The following CLTCL1 variants were observed in gnomAD, a reference collection of about 807,000 sequenced individuals.
The protein encoded by CLTCL1 is clathrin heavy chain like 1, also known as clathrin heavy chain 2.
Under a neutral mutation model 190.0 loss-of-function variants are expected in CLTCL1, and 159 were observed. That is an observed-to-expected ratio of 0.84 (90% CI 0.74 to 0.95). CLTCL1 has a LOEUF of 0.95. CLTCL1 is among the 40% of genes least tolerant of loss of function. The probability of loss-of-function intolerance (pLI) is 0.00; values close to 1 mark genes in which losing one functional copy is unlikely to be tolerated. For synonymous variants in CLTCL1, 752 were observed against 769.6 expected (o/e 0.98, Z 0.38); for missense variants, 1,878 against 2,033.4 (o/e 0.92, Z 1.47).
intron 3 of CLTCL1, among the ~76,000 whole-genome samples, chr22:19,249,292 G>C (rs2086515978): frequency 6.6e-6 from 1 of 152,124 alleles, no homozygotes. Flanking sequence ...CCGGGAGGTG[G>C]AGGTTGCAGT....
intron 1 of CLTCL1, among the ~76,000 whole-genome samples, chr22:19,288,729 T>C (rs2087999391): frequency 6.6e-6 from 1 of 152,188 alleles, no homozygotes; most frequent in Non-Finnish European, 1.5e-5. Flanking sequence ...ACATCAAGCT[T>C]ATGGGAATAC....
At chr22:19,194,562 C>T (rs1180498443) in intron 26 of CLTCL1, among the ~76,000 whole-genome samples, 1 of 152,222 alleles carries the variant, frequency 6.6e-6, no homozygotes, top group Admixed American at 6.5e-5. Context: ...AGCTGGTTGG[C>T]GTGCTGTGCT....
chr22:19,192,080 T>TG (rs2084526719), intron 26 of CLTCL1, among the ~76,000 whole-genome samples: 2 of 150,728 alleles, frequency 1.3e-5, no homozygotes, highest in South Asian at 4.3e-4. Flanking sequence ...TTTTTTTTTT[T>TG]TTTGAGACGG....
intron 2 of CLTCL1, among the ~76,000 whole-genome samples, chr22:19,271,547 T>C (rs1335053162): frequency 6.6e-6 from 1 of 152,170 alleles, no homozygotes; most frequent in Non-Finnish European, 1.5e-5. Context: ...TCTGCCATGA[T>C]TATAAGTTTC....
At chr22:19,268,833 G>C (rs1463155893) in intron 2 of CLTCL1, among the ~76,000 whole-genome samples, 3 of 152,198 alleles carry the variant, frequency 2.0e-5, no homozygotes, top group African/African-American at 7.2e-5. Context: ...AGTGGCTCAT[G>C]CCTGTAATTC....
chr22:19,251,334 T>C (rs1555969932), intron 3 of CLTCL1, among the ~76,000 whole-genome samples: 2 of 152,240 alleles, frequency 1.3e-5, no homozygotes, highest in Non-Finnish European at 2.9e-5. Flanking sequence ...TTCTGTAACC[T>C]TGTTCAATTT....
intron 1 of CLTCL1, among the ~76,000 whole-genome samples, chr22:19,278,443 A>G (rs986006383): frequency 6.6e-6 from 1 of 152,176 alleles, no homozygotes; most frequent in East Asian, 1.9e-4. Context: ...CAAGGCTTAG[A>G]AGGCAGGCAG....
chr22:19,222,083 C>G lies in CLTCL1; in HGVS notation c.2429G>C (p.Ser810Thr). The G allele has an allele frequency of 1.2e-6, 2 of 1,613,906 alleles. No individual in the cohort carries two copies. The highest frequency in any genetic ancestry group is 2.7e-5 in the African/African-American group (2 of 75,044). ...CCCTCCAATCACAGCTGGGGTCCGG[C>G]TAGGGTTGACCTAGGGTAGTCAAGG... is the stretch of plus-strand genomic sequence containing the variant. ...IEIYVQKVNPSRTPAVIGGLL... is the reference protein window; with the variant it reads ...IEIYVQKVNPTRTPAVIGGLL... The change falls in exon 16 of 33, where the codon AGC becomes ACC. Residue 810 changes from serine (S) to threonine (T), a missense_variant. By Grantham distance (58) the Ser-to-Thr change is moderately conservative. Transcript: ENST00000427926.
rs2085769277 is a variant in CLTCL1 at position 19,227,075 on chromosome 22, AATGTG to A, written c.1783-697_1783-693del. On this transcript the variant is annotated intron_variant, in intron 11 of 32. Transcript: ENST00000427926. ...CTTATAGGGTTTCTATGGCAAGATC[AATGTG>A]AGGGCTCAAGTCTACCGATTCTCCT... Among the ~76,000 whole-genome samples, 4 of 152,136 alleles carry A rather than the reference AATGTG, an allele frequency of 2.6e-5. No individual in the cohort carries two copies. In the Middle Eastern group the frequency reaches 0.014, roughly 517 times the overall value.
chr22:19,274,462 T>C (rs1368563255), intron 2 of CLTCL1, among the ~76,000 whole-genome samples: 1 of 152,228 alleles, frequency 6.6e-6, no homozygotes, highest in Non-Finnish European at 1.5e-5. Flanking sequence ...CAAAATCATT[T>C]ATACTGCTTA....
intron 1 of CLTCL1, among the ~76,000 whole-genome samples, chr22:19,276,951 C>G (rs536585574): frequency 2.4e-4 from 37 of 152,244 alleles, no homozygotes; most frequent in African/African-American, 8.2e-4. Flanking sequence ...GGATTACAGG[C>G]GTGAGCCACC....
intron 19 of CLTCL1, among the ~76,000 whole-genome samples, chr22:19,211,206 C>G (rs1388539531): frequency 1.3e-5 from 2 of 152,104 alleles, no homozygotes; most frequent in Non-Finnish European, 2.9e-5. Flanking sequence ...CTGACAAAAT[C>G]TAACACCTAT....
intron 2 of CLTCL1, among the ~76,000 whole-genome samples, chr22:19,264,594 T>C (rs1692785632): frequency 6.6e-6 from 1 of 152,324 alleles, no homozygotes; most frequent in South Asian, 2.1e-4. Flanking sequence ...ATCCAGTTAG[T>C]TAGCCAAGCT....
rs782471611 is a variant in CLTCL1 at position 19,183,470 on chromosome 22, GCAC to G, written c.4744_4746del (p.Val1582del). The G allele has an allele frequency of 6.2e-7, 1 of 1,613,670 alleles. No individual in the cohort carries two copies. Among genetic ancestry groups the G allele is most frequent in the African/African-American group, 1.3e-5 (1 of 74,946 alleles). On this transcript the variant is annotated inframe_deletion, in exon 30 of 33. Coordinates refer to ENST00000427926, the MANE Select transcript of CLTCL1 (RefSeq NM_007098.4). Reference sequence around the variant, plus strand: ...AGGTTGTGCCTCCAGGCCAGCTCAAGCACCATGTCTGGGCGAAGCAGGTCATAG... The same window carrying G: ...AGGTTGTGCCTCCAGGCCAGCTCAAGCATGTCTGGGCGAAGCAGGTCATAG...
intron 2 of CLTCL1, among the ~76,000 whole-genome samples, chr22:19,273,050 C>T (rs191579847): frequency 6.6e-6 from 1 of 152,182 alleles, no homozygotes; most frequent in Non-Finnish European, 1.5e-5. Flanking sequence ...TGCAGCACCC[C>T]CCCACACACC....
intron 22 of CLTCL1, among the ~76,000 whole-genome samples, chr22:19,203,711 G>T (rs1282962833): frequency 6.6e-6 from 1 of 152,168 alleles, no homozygotes. Flanking sequence ...GGTGCTGCCT[G>T]TCCCTGGAGG....
chr22:19,193,121 A>G (rs913737555), intron 26 of CLTCL1, among the ~76,000 whole-genome samples: 1 of 136,712 alleles, frequency 7.3e-6, no homozygotes, highest in Non-Finnish European at 1.5e-5. Context: ...GAGAGGAACC[A>G]TCCAAGGACA....
Position 19,226,315 on chromosome 22 carries a change from A to G in CLTCL1, c.1851T>C (p.Cys617=), listed in dbSNP as rs782331841. The change falls in exon 12 of 33, where the codon TGT becomes TGC. Residue 617 remains cysteine (C), a synonymous_variant. Transcript: ENST00000427926. The part of the protein sequence containing the change: ...HYDRAHIAQL[C]EKAGLLQQAL... The stretch of plus-strand genomic sequence containing the variant: ...CTTGCTGCAGGAGGCCTGCCTTCTC[A>G]CAGAGCTGGGCAATGTGGGCCCGGT... 1.2e-6 allele frequency: 2 copies of G among 1,614,056 alleles called. No individual in the cohort carries two copies. Among genetic ancestry groups the G allele is most frequent in the Non-Finnish European group, 1.7e-6 (2 of 1,179,896 alleles).
chr22:19,221,341 G>C (rs1288079610), intron 17 of CLTCL1, 36 bp downstream of exon 17: 27 of 1,481,136 alleles, frequency 1.8e-5, no homozygotes, highest in Non-Finnish European at 2.3e-5. Flanking sequence ...TGGGAGCCCA[G>C]GGTTACATGG....
Sources: gnomAD v4.1 joint callset for allele counts (sites outside exome capture counted in the v4.1 genomes callset) on GRCh38, gnomAD v4.1.1 for gene constraint, MANE v1.5 for transcripts, NCBI Gene and HGNC (gene_info 2026-07-23, HGNC 2026-07-21) for gene names.